The following RTTN variants were observed in gnomAD, a reference collection of about 807,000 sequenced individuals.
The protein encoded by RTTN is rotatin.
RTTN carries 182 observed loss-of-function variants against 269.2 expected under a neutral mutation model. The ratio of observed to expected loss-of-function variants is 0.68; its 90% CI spans 0.60 to 0.76. The LOEUF (loss-of-function observed/expected upper bound fraction) is 0.76, where lower values mean the gene tolerates loss of function less well. Ranked by LOEUF, RTTN falls within the 30% of genes least tolerant of loss-of-function variation. The pLI is 0.00. For missense variants in RTTN, 2,545 were observed against 2,608.6 expected (o/e 0.98, Z 0.53); for synonymous variants, 1,006 against 963.5 (o/e 1.04, Z -0.82).
Position 70,029,920 on chromosome 18 carries a change from G to T in RTTN, c.5745+92C>A. ...CCATCTGTACCTTTCTTCTAAATGAGACACTCATTTCAAGCTCGTGCTCAT... is the reference window on the plus strand; with the variant it reads ...CCATCTGTACCTTTCTTCTAAATGATACACTCATTTCAAGCTCGTGCTCAT... On this transcript the variant is annotated intron_variant, in intron 42 of 48. Coordinates refer to ENST00000640769, the MANE Select transcript of RTTN (RefSeq NM_173630.4). 6 of 830,532 alleles carry T rather than the reference G, an allele frequency of 7.2e-6. No individual in the cohort carries two copies. In the South Asian group the frequency reaches 8.3e-5, roughly 12 times the overall value. The allele number at this position is 830,532 out of a possible 1,614,324, so 51.4% of individuals were successfully genotyped here.
At chr18:70,139,505 T>C (rs1489207383) in intron 21 of RTTN, 94 bp downstream of exon 21, 6 of 751,786 alleles carry the variant, frequency 8.0e-6, no homozygotes, top group African/African-American at 5.3e-5. Flanking sequence ...GTTGTTCTAA[T>C]AGTAAAATAA....
rs768450870 is a variant in RTTN at position 70,003,340 on chromosome 18, T to G, written c.*811A>C. ...AAGCATGAGCCACCAAGCCCGGCCATCTTCTGCATTTTTCAGTCTTACTCT... is the reference window on the plus strand; with the variant it reads ...AAGCATGAGCCACCAAGCCCGGCCAGCTTCTGCATTTTTCAGTCTTACTCT... On this transcript the variant is annotated 3_prime_UTR_variant, in exon 49 of 49. Coordinates refer to ENST00000640769, the MANE Select transcript of RTTN (RefSeq NM_173630.4). The G allele has an allele frequency of 6.6e-6, 1 of 152,264 alleles. No individual in the cohort carries two copies. The highest frequency in any genetic ancestry group is 1.5e-5 in the Non-Finnish European group (1 of 68,028). The allele number at this position is 152,264 out of a possible 1,614,324, so 9.4% of individuals were successfully genotyped here. A position where few individuals can be genotyped will look rare whatever the true frequency, so the allele number is the denominator to read the frequency against.
intron 32 of RTTN, among the ~76,000 whole-genome samples, chr18:70,079,218 T>C (rs1195447359): frequency 6.6e-6 from 1 of 151,984 alleles, no homozygotes; most frequent in Non-Finnish European, 1.5e-5. Flanking sequence ...TATGTATTTA[T>C]TACTTGAAAA....
chr18:70,186,766 G>A (rs2061556172), intron 10 of RTTN, among the ~76,000 whole-genome samples: 1 of 152,122 alleles, frequency 6.6e-6, no homozygotes, highest in Non-Finnish European at 1.5e-5. Flanking sequence ...AACTAATCCA[G>A]AAACAGAAAA....
intron 29 of RTTN, 146 bp downstream of exon 29, chr18:70,092,530 C>A (rs977158377): frequency 1.2e-6 from 1 of 828,196 alleles, no homozygotes; most frequent in African/African-American, 1.7e-5. Context: ...AAGAAATATT[C>A]TAGTCAAAAA....
chr18:70,145,808 G>C (rs201522198), intron 17 of RTTN, 25 bp from the exon 18 acceptor site: 1 of 1,561,604 alleles, frequency 6.4e-7, no homozygotes, highest in Admixed American at 2.0e-5. Flanking sequence ...TACTTAAGTC[G>C]AACTTTCGTG....
chr18:70,023,028 G>GT (rs1392167225), intron 44 of RTTN, among the ~76,000 whole-genome samples: 1 of 152,164 alleles, frequency 6.6e-6, no homozygotes, highest in East Asian at 1.9e-4. Context: ...ACCAGGGTTG[G>GT]TATGTGTGAC....
At chr18:70,029,171 A>G (rs1177291363) in intron 42 of RTTN, among the ~76,000 whole-genome samples, 1 of 152,018 alleles carries the variant, frequency 6.6e-6, no homozygotes, top group African/African-American at 2.4e-5. Flanking sequence ...GGCAAAAAAA[A>G]AAAAAAAAAG....
intron 46 of RTTN, among the ~76,000 whole-genome samples, chr18:70,015,251 C>T (rs1043894949): frequency 1.6e-4 from 24 of 151,900 alleles, no homozygotes; most frequent in Admixed American, 9.2e-4. Context: ...TTAGTAGAGG[C>T]GGGGTTTCAC....
rs181146296 is a variant in RTTN, at chr18:70,057,175, G to A, written c.5031+567C>T. Among the ~76,000 whole-genome samples, 52 of 152,260 alleles carry A rather than the reference G, an allele frequency of 3.4e-4. 1 individual carries two copies. In the East Asian group the frequency reaches 9.8e-3, roughly 29 times the overall value. ...ATTCATCACCTCCTAAATAAATCTT[G>A]TAGCCCTTCTTAAAATTTGATTTTG... is the stretch of plus-strand genomic sequence containing the variant. On this transcript the variant is annotated intron_variant, in intron 37 of 48. Coordinates refer to ENST00000640769, the MANE Select transcript of RTTN (RefSeq NM_173630.4).
chr18:70,018,319 A>T (rs1387413655), intron 45 of RTTN, among the ~76,000 whole-genome samples: 2 of 152,158 alleles, frequency 1.3e-5, no homozygotes, highest in Non-Finnish European at 2.9e-5. Context: ...ACCCCACCAA[A>T]CCCTTCACTA....
chr18:70,113,776 G>A (rs1189388573), intron 27 of RTTN, among the ~76,000 whole-genome samples: 4 of 152,174 alleles, frequency 2.6e-5, no homozygotes, highest in African/African-American at 9.6e-5. Flanking sequence ...GCTAAGTGAA[G>A]AAGCTAGACG....
At chr18:70,053,470 A>T (rs2057732373) in intron 38 of RTTN, 1 of 152,242 alleles carries the variant, frequency 6.6e-6, no homozygotes, top group Non-Finnish European at 1.5e-5. Context: ...TGAGATGCTG[A>T]GAACTGGCTT....
chr18:70,066,212 C>G (rs2058129766), intron 34 of RTTN, among the ~76,000 whole-genome samples: 1 of 151,978 alleles, frequency 6.6e-6, no homozygotes, highest in Non-Finnish European at 1.5e-5. Flanking sequence ...TCCCTCATTG[C>G]CCAAATGTTA....
At chr18:70,114,248 G>A (rs2059547258) in intron 27 of RTTN, among the ~76,000 whole-genome samples, 197 bp downstream of exon 27, 1 of 152,090 alleles carries the variant, frequency 6.6e-6, no homozygotes, top group Admixed American at 6.6e-5. Context: ...TGTAGTGAAA[G>A]AGACCAAGCA....
chr18:70,112,983 C>T (rs946475147), intron 27 of RTTN, among the ~76,000 whole-genome samples: 2 of 152,194 alleles, frequency 1.3e-5, no homozygotes, highest in Non-Finnish European at 2.9e-5. Flanking sequence ...AACCACAGTG[C>T]AATCAAACTG....
At chr18:70,033,285 G>A (rs574345594) in intron 40 of RTTN, among the ~76,000 whole-genome samples, 2 of 152,282 alleles carry the variant, frequency 1.3e-5, no homozygotes, top group African/African-American at 4.8e-5. Context: ...GGAACCATGA[G>A]CCAATTAAAC....
intron 41 of RTTN, among the ~76,000 whole-genome samples, chr18:70,030,427 C>T (rs549100825): frequency 6.6e-6 from 1 of 152,192 alleles, no homozygotes; most frequent in Non-Finnish European, 1.5e-5. Flanking sequence ...TTTTAATTCT[C>T]AGATCTACAT....
intron 28 of RTTN, among the ~76,000 whole-genome samples, chr18:70,097,425 A>G (rs1369047403): frequency 6.6e-6 from 1 of 152,224 alleles, no homozygotes; most frequent in Non-Finnish European, 1.5e-5. Flanking sequence ...TAGTAGTACA[A>G]CAGGGATACC....
Sources: allele counts gnomAD v4.1 joint callset (sites outside exome capture counted in the v4.1 genomes callset), GRCh38; gene constraint gnomAD v4.1.1; transcripts MANE v1.5; gene names NCBI Gene and HGNC (gene_info 2026-07-23, HGNC 2026-07-21).